The following GRIP2 variants were observed in gnomAD, a reference collection of about 807,000 sequenced individuals.
GRIP2 encodes the protein glutamate receptor interacting protein 2, also known as glutamate receptor-interacting protein 2.
Under a neutral mutation model 108.3 loss-of-function variants are expected in GRIP2, and 58 were observed. That is an observed-to-expected ratio of 0.54 (90% CI 0.43 to 0.67). GRIP2 has a LOEUF of 0.67. Among genes scored for constraint, GRIP2 ranks in the 30% least tolerant of loss-of-function variants. The pLI, the probability that GRIP2 is intolerant of heterozygous loss-of-function variation, is 0.00. For missense variants in GRIP2, 1,278 were observed against 1,430.6 expected (o/e 0.89, Z 1.72); for synonymous variants, 586 against 598.2 (o/e 0.98, Z 0.30).
upstream of GRIP2, among the ~76,000 whole-genome samples, chr3:14,546,859 TG>T (rs1421918753): frequency 6.6e-6 from 1 of 152,252 alleles, no homozygotes; most frequent in East Asian, 1.9e-4. Context: ...GCACAGCTGG[TG>T]GGGGGTAAAC....
the GRIP2 span, among the ~76,000 whole-genome samples, chr3:14,584,622 G>T: frequency 2.0e-5 from 3 of 152,204 alleles, no homozygotes; most frequent in Non-Finnish European, 4.4e-5. Context: ...CGGACTATGG[G>T]CGGAGGAGGG....
the GRIP2 span, chr3:14,573,872 C>T: frequency 1.8e-5 from 23 of 1,296,056 alleles, 1 homozygote; most frequent in Non-Finnish European, 2.6e-5. Flanking sequence ...AGCACTCCTC[C>T]TCCGAGGTCT....
chr3:14,562,098 A>G, the GRIP2 span, among the ~76,000 whole-genome samples: 2 of 152,234 alleles, frequency 1.3e-5, no homozygotes, highest in Non-Finnish European at 2.9e-5. Flanking sequence ...TAAACAGAGC[A>G]AGTGAGGAGT....
the GRIP2 span, chr3:14,573,105 G>A: frequency 7.0e-6 from 10 of 1,422,680 alleles, no homozygotes; most frequent in East Asian, 2.1e-4. Flanking sequence ...CGAAATGTGG[G>A]CAAAGTTGTC....
At chr3:14,520,051 G>A (rs1694360308) in intron 9 of GRIP2, 59 bp downstream of exon 9, 1 of 1,478,092 alleles carries the variant, frequency 6.8e-7, no homozygotes, top group South Asian at 1.3e-5. Flanking sequence ...CTGGTCCCAG[G>A]CCTCTCAGGC....
At chr3:14,549,034 C>A (rs1559355272) in intron 1 of GRIP2, among the ~76,000 whole-genome samples, 1 of 152,174 alleles carries the variant, frequency 6.6e-6, no homozygotes. Flanking sequence ...CTTCCTCCAC[C>A]TGTTCTTTTC....
At chr3:14,586,154 T>C in the GRIP2 span, among the ~76,000 whole-genome samples, 1 of 152,184 alleles carries the variant, frequency 6.6e-6, no homozygotes, top group Non-Finnish European at 1.5e-5. Flanking sequence ...GGTCTTCCCT[T>C]GGTTGGGCCC....
chr3:14,549,647 T>G (rs1695112458), intron 1 of GRIP2, among the ~76,000 whole-genome samples: 1 of 152,262 alleles, frequency 6.6e-6, no homozygotes, highest in Non-Finnish European at 1.5e-5. Context: ...AATGGGAACA[T>G]AAGCCTCTAA....
At position 14,507,262 on chromosome 3, in the gene GRIP2, C is replaced by T. The variant is rs1169985812; in HGVS notation, c.2219-282G>A. On this transcript the variant is annotated intron_variant, in intron 18 of 23. Coordinates refer to ENST00000621039, the MANE Select transcript of GRIP2 (RefSeq NM_001080423.4). The surrounding 1 kb of genome is among the most constrained non-coding windows in gnomAD (Gnocchi z 4.6). ...TGGCCTTTCTACCAAGGCACGGGGA[C>T]GTATTCAGGGGCAGCTGAGGAATGC... 1.3e-5 allele frequency among the ~76,000 whole-genome samples: 2 copies of T among 152,160 alleles called. No individual in the cohort carries two copies. The highest frequency in any genetic ancestry group is 6.5e-5 in the Admixed American group (1 of 15,270).
At position 14,493,468 on chromosome 3, in the gene GRIP2, C is replaced by T; in HGVS notation, c.*197G>A. The T allele has an allele frequency of 1.6e-6, 1 of 637,930 alleles. No homozygotes were observed. Among genetic ancestry groups the T allele is most frequent in the Non-Finnish European group, 2.6e-6 (1 of 392,004 alleles). The allele number at this position is 637,930 out of a possible 1,614,324, so 39.5% of individuals were successfully genotyped here. ...TGGCGAGAGACCCCAGCTGTCACTC[C>T]AACTAGGGCAGGACCTCCCTGCCTG... On this transcript the variant is annotated 3_prime_UTR_variant, in exon 24 of 24. Transcript: ENST00000621039.
chr3:14,509,385 C>T (rs996891382), intron 17 of GRIP2, among the ~76,000 whole-genome samples: 1 of 152,268 alleles, frequency 6.6e-6, no homozygotes, highest in Non-Finnish European at 1.5e-5. Flanking sequence ...GCTCCCTCAG[C>T]TGCCACAGTT....
chr3:14,569,432 CT>C, the GRIP2 span, among the ~76,000 whole-genome samples: 4 of 152,198 alleles, frequency 2.6e-5, no homozygotes, highest in Non-Finnish European at 5.9e-5. Context: ...AGTCCCCTGC[CT>C]TGGGGGAGTC....
intron 23 of GRIP2, among the ~76,000 whole-genome samples, chr3:14,494,458 C>T (rs969612217): frequency 3.2e-4 from 49 of 152,352 alleles, no homozygotes; most frequent in South Asian, 1.2e-3. Flanking sequence ...TTTGGTCCAT[C>T]GGCTGTGAAG....
At chr3:14,545,383 A>G (rs1695041751), upstream of GRIP2, among the ~76,000 whole-genome samples, 1 of 152,182 alleles carries the variant, frequency 6.6e-6, no homozygotes, top group Admixed American at 6.5e-5. Flanking sequence ...AGAAATGCAC[A>G]CACCGAACCA....
Position 14,492,454 on chromosome 3 carries a change from G to C in GRIP2, c.*1211C>G, listed in dbSNP as rs1416048168. The C allele has an allele frequency of 6.6e-6, 1 of 152,298 alleles. No individual in the cohort carries two copies. Among genetic ancestry groups the C allele is most frequent in the Non-Finnish European group, 1.5e-5 (1 of 68,096 alleles). 9.4% of individuals were successfully genotyped at this position (152,298 alleles called of 1,614,324 possible). A position where few individuals can be genotyped will look rare whatever the true frequency, so the allele number is the denominator to read the frequency against. On this transcript the variant is annotated 3_prime_UTR_variant, in exon 24 of 24. Transcript: ENST00000621039. ...GCCCACACCCTTCTCAAAATGAAGA[G>C]GGTCTCTGATTTGTGGACACTGAGG...
Position 14,507,270 on chromosome 3 carries a change from G to A in GRIP2, c.2219-290C>T, listed in dbSNP as rs1263615609. On this transcript the variant is annotated intron_variant, in intron 18 of 23. Transcript: ENST00000621039. The surrounding 1 kb of genome is among the most constrained non-coding windows in gnomAD (Gnocchi z 4.6). ...CTACCAAGGCACGGGGACGTATTCA[G>A]GGGCAGCTGAGGAATGCATGAGTTA... is the stretch of plus-strand genomic sequence containing the variant. Among the ~76,000 whole-genome samples the A allele has an allele frequency of 6.6e-6, 1 of 152,206 alleles. No individual in the cohort carries two copies. The highest frequency in any genetic ancestry group is 1.5e-5 in the Non-Finnish European group (1 of 68,048).
upstream of GRIP2, among the ~76,000 whole-genome samples, chr3:14,544,700 GC>G (rs1282588178): frequency 6.6e-6 from 1 of 152,190 alleles, no homozygotes; most frequent in Non-Finnish European, 1.5e-5. Context: ...CACCCCAGGG[GC>G]CGGGCCAGGA....
intron 8 of GRIP2, 38 bp from the exon 9 acceptor site, chr3:14,520,317 G>A: frequency 6.2e-7 from 1 of 1,611,626 alleles, no homozygotes; most frequent in Non-Finnish European, 8.5e-7. Flanking sequence ...GGCTGGTCCA[G>A]GCCAGACAAA....
At chr3:14,571,035 T>C in the GRIP2 span, among the ~76,000 whole-genome samples, 1 of 152,164 alleles carries the variant, frequency 6.6e-6, no homozygotes, top group Non-Finnish European at 1.5e-5. Context: ...TACCACTGGA[T>C]ACCAGTGGCA....
Sources: gnomAD v4.1 joint callset for allele counts (sites outside exome capture counted in the v4.1 genomes callset) on GRCh38, gnomAD v4.1.1 for gene constraint, Gnocchi (gnomAD v3.1) non-coding constraint, MANE v1.5 for transcripts, NCBI Gene and HGNC (gene_info 2026-07-23, HGNC 2026-07-21) for gene names.